NSMAF: variants seen among roughly 807,000 people sequenced by gnomAD.
NSMAF encodes the protein protein FAN.
Under a neutral mutation model 134.9 loss-of-function variants are expected in NSMAF, and 90 were observed. The ratio of observed to expected loss-of-function variants is 0.67; its 90% confidence interval spans 0.56 to 0.79. The LOEUF is 0.79. Among genes scored for constraint, NSMAF ranks in the 30% least tolerant of loss-of-function variants. The probability of loss-of-function intolerance (pLI) is 0.00; values close to 1 mark genes in which losing one functional copy is unlikely to be tolerated. For missense variants in NSMAF, 1,010 were observed against 1,119.0 expected, an observed-to-expected ratio of 0.90 and a Z score of 1.39; for synonymous variants, 358 against 389.6, an observed-to-expected ratio of 0.92 and a Z score of 0.96.
At chr8:58,659,320 G>C (rs529977784) in intron 1 of NSMAF, 246 of 1,527,106 alleles carry the variant, frequency 1.6e-4, no homozygotes, top group Admixed American at 7.4e-4. Flanking sequence ...CCTCGGCTCC[G>C]CGGTGGAATC....
chr8:58,640,524 T>C (rs962689875), intron 2 of NSMAF, among the ~76,000 whole-genome samples: 6 of 151,530 alleles, frequency 4.0e-5, no homozygotes, highest in African/African-American at 1.2e-4. Flanking sequence ...ATAATACTAA[T>C]AGTATACTAA....
intron 21 of NSMAF, among the ~76,000 whole-genome samples, chr8:58,596,968 A>G (rs1327217914): frequency 6.6e-6 from 1 of 151,896 alleles, no homozygotes; most frequent in Non-Finnish European, 1.5e-5. Context: ...GTGGGTATAG[A>G]AGAGCATAAT....
At chr8:58,603,636 A>G (rs1178099609) in intron 12 of NSMAF, among the ~76,000 whole-genome samples, 2 of 152,240 alleles carry the variant, frequency 1.3e-5, no homozygotes, top group East Asian at 3.8e-4. Context: ...GACATAACCT[A>G]AACAAATACA....
intron 1 of NSMAF, among the ~76,000 whole-genome samples, chr8:58,654,104 G>A (rs888893307): frequency 2.6e-5 from 4 of 152,114 alleles, no homozygotes; most frequent in Admixed American, 1.3e-4. Flanking sequence ...CATTCCTGAC[G>A]AATTAAGTCC....
At chr8:58,646,827 A>G (rs1407771989) in intron 1 of NSMAF, among the ~76,000 whole-genome samples, 1 of 152,008 alleles carries the variant, frequency 6.6e-6, no homozygotes, top group Non-Finnish European at 1.5e-5. Context: ...TCTTTAGAAG[A>G]CTCTTAGCCC....
chr8:58,635,204 T>C lies in NSMAF; in HGVS notation c.318A>G (p.Ser106=), dbSNP rs560556677. 20 of 1,610,732 alleles carry C rather than the reference T, an allele frequency of 1.2e-5. No homozygotes were observed. In the Admixed American group the frequency reaches 3.0e-4, roughly 24 times the overall value. Residue 106 remains serine, a synonymous_variant, in exon 5 of 31, where the codon TCA becomes TCG. Coordinates refer to ENST00000038176, the MANE Select transcript of NSMAF (RefSeq NM_003580.4). ...ATGTGCTTACCTGACTGAAAATGAG[T>C]GAAATACCCCCAGATTTTGCCCTAA... ...HFTKAKSGGI[S]LIFSQVYFIK...
intron 1 of NSMAF, among the ~76,000 whole-genome samples, chr8:58,647,000 T>G (rs891645138): frequency 6.6e-6 from 1 of 152,230 alleles, no homozygotes; most frequent in Non-Finnish European, 1.5e-5. Flanking sequence ...AACTAGAACT[T>G]AAAATAGCTG....
intron 2 of NSMAF, chr8:58,640,099 A>C (rs1397047548): frequency 2.2e-6 from 1 of 455,556 alleles, no homozygotes; most frequent in Non-Finnish European, 4.4e-6. Context: ...ATCCAGGATA[A>C]GTTCTGCAGA....
chr8:58,586,446 G>C lies in NSMAF; in HGVS notation c.2446+12C>G. 1.2e-6 allele frequency: 2 copies of C among 1,611,122 alleles called. No homozygotes were observed. The highest frequency in any genetic ancestry group is 1.7e-6 in the Non-Finnish European group (2 of 1,177,944). ...ACCTAGTATTATCTGTTTTAAAAAG[G>C]ATAATATCTACCTGGGCTAAAAGCA... On this transcript the variant is annotated intron_variant, in intron 28 of 30. Transcript: ENST00000038176.
chr8:58,614,929 C>A (rs1806623191), intron 9 of NSMAF, among the ~76,000 whole-genome samples: 1 of 151,940 alleles, frequency 6.6e-6, no homozygotes, highest in South Asian at 2.1e-4. Context: ...AAAAGCAAGA[C>A]TCAACTATAT....
intron 2 of NSMAF, among the ~76,000 whole-genome samples, chr8:58,639,581 T>C (rs1203302095): frequency 6.6e-6 from 1 of 152,192 alleles, no homozygotes; most frequent in Non-Finnish European, 1.5e-5. Flanking sequence ...ACTACCATAC[T>C]ATCCAGCAAT....
At position 58,595,794 on chromosome 8, in the gene NSMAF, AT is replaced by A. The variant is rs1255143946; in HGVS notation, c.1793-136del. Reference sequence around the variant, plus strand: ...CCTGTCACAATATAACTGCTTTGAAATGTACCTGTTAGATGGTTCCACGTTA... The same window carrying A: ...CCTGTCACAATATAACTGCTTTGAAAGTACCTGTTAGATGGTTCCACGTTA... On this transcript the variant is annotated intron_variant, in intron 21 of 30. Coordinates refer to ENST00000038176, the MANE Select transcript of NSMAF (RefSeq NM_003580.4). The A allele has an allele frequency of 2.5e-5, 16 of 629,248 alleles. No individual in the cohort carries two copies. In the African/African-American group the frequency reaches 2.9e-4, roughly 12 times the overall value. 39.0% of individuals were successfully genotyped at this position (629,248 alleles called of 1,614,324 possible). A position where few individuals can be genotyped will look rare whatever the true frequency, so the allele number is the denominator to read the frequency against.
At chr8:58,586,124 C>T (rs2129138564) in intron 28 of NSMAF, 124 bp from the exon 29 acceptor site, 2 of 797,140 alleles carry the variant, frequency 2.5e-6, no homozygotes, top group East Asian at 4.9e-5. Context: ...AATCCTTGTA[C>T]TTAAGCAATG....
rs112260176 is a variant in NSMAF, at chr8:58,653,635, T to G, written c.59+5938A>C. The stretch of plus-strand genomic sequence containing the variant: ...TCACCAAGAAGATAACAATTCTAAG[T>G]TACTTACTGAATACAAGTTAAAAAA... On this transcript the variant is annotated intron_variant, in intron 1 of 30. Transcript: ENST00000038176. Among the ~76,000 whole-genome samples the G allele has an allele frequency of 8.8e-3, 1,343 of 152,134 alleles. 23 individuals carry two copies. The highest frequency in any genetic ancestry group is 0.03 in the African/African-American group (1,263 of 41,556).
chr8:58,632,513 G>A (rs1238139838), intron 5 of NSMAF, among the ~76,000 whole-genome samples: 9 of 152,002 alleles, frequency 5.9e-5, no homozygotes, highest in African/African-American at 2.2e-4. Context: ...ATGGCTTCCT[G>A]GACACCTGCT....
chr8:58,594,372 T>A (rs1187080266), intron 22 of NSMAF, 82 bp from the exon 23 acceptor site: 1 of 1,312,894 alleles, frequency 7.6e-7, no homozygotes, highest in African/African-American at 1.5e-5. Flanking sequence ...GATTTAATTT[T>A]ACCAAGTTTC....
chr8:58,616,064 T>C (rs542015556), intron 9 of NSMAF, among the ~76,000 whole-genome samples: 1 of 152,256 alleles, frequency 6.6e-6, no homozygotes, highest in African/African-American at 2.4e-5. Flanking sequence ...ACAATTTATT[T>C]GAAAAACACA....
intron 1 of NSMAF, among the ~76,000 whole-genome samples, chr8:58,644,187 A>G (rs1179164715): frequency 6.6e-6 from 1 of 152,244 alleles, no homozygotes; most frequent in Non-Finnish European, 1.5e-5. Context: ...TACATTAAAC[A>G]TGGCAGATTA....
intron 12 of NSMAF, among the ~76,000 whole-genome samples, chr8:58,603,664 T>A (rs551761253): frequency 7.0e-4 from 106 of 152,260 alleles, no homozygotes; most frequent in African/African-American, 2.3e-3. Context: ...AGCGCAAATA[T>A]ATAAATATTA....
Sources: gnomAD v4.1 joint callset for allele counts (sites outside exome capture counted in the v4.1 genomes callset) on GRCh38, gnomAD v4.1.1 for gene constraint, MANE v1.5 for transcripts, NCBI Gene and HGNC (gene_info 2026-07-23, HGNC 2026-07-21) for gene names.